Variants in SSBP2 observed in about 807,000 individuals in gnomAD.
SSBP2 encodes single stranded DNA binding protein 2.
In SSBP2, 17 loss-of-function variants were observed where a neutral mutation model predicts 61.8. That is an observed-to-expected ratio of 0.28 (90% CI 0.19 to 0.41). The LOEUF (loss-of-function observed/expected upper bound fraction) is 0.41, where lower values mean the gene tolerates loss of function less well. SSBP2 is among the 10% of genes least tolerant of loss of function. The pLI is 1.00. For synonymous variants in SSBP2, 139 were observed against 141.3 expected (o/e 0.98, Z 0.12); for missense variants, 310 against 458.7 (o/e 0.68, Z 2.96).
chr5:81,719,384 A>G (rs1422014304), intron 1 of SSBP2, among the ~76,000 whole-genome samples: 3 of 152,214 alleles, frequency 2.0e-5, no homozygotes, highest in Non-Finnish European at 4.4e-5. Flanking sequence ...CAAACCTGTT[A>G]CTTCTCAAAA....
At chr5:81,646,891 G>C (rs934198886) in intron 2 of SSBP2, among the ~76,000 whole-genome samples, 2 of 151,862 alleles carry the variant, frequency 1.3e-5, no homozygotes, top group African/African-American at 4.8e-5. Context: ...AGAGTTTTAG[G>C]CAGAGGGAAT....
At chr5:81,629,320 G>C (rs1030878829) in intron 3 of SSBP2, among the ~76,000 whole-genome samples, 4 of 152,186 alleles carry the variant, frequency 2.6e-5, no homozygotes, top group Non-Finnish European at 4.4e-5. Context: ...TGCCAACTGA[G>C]TGTCTAAAGG....
At chr5:81,464,149 T>C (rs1764736080) in intron 9 of SSBP2, among the ~76,000 whole-genome samples, 1 of 152,158 alleles carries the variant, frequency 6.6e-6, no homozygotes, top group Non-Finnish European at 1.5e-5. Flanking sequence ...TTCTGCAGGA[T>C]ATAATACAGA....
chr5:81,457,766 A>G (rs1764263461), intron 10 of SSBP2, among the ~76,000 whole-genome samples: 1 of 151,454 alleles, frequency 6.6e-6, no homozygotes, highest in Non-Finnish European at 1.5e-5. Flanking sequence ...GGTTCAAGTG[A>G]TTCTCCTGCC....
At chr5:81,722,072 T>C (rs1755573803) in intron 1 of SSBP2, among the ~76,000 whole-genome samples, 1 of 152,114 alleles carries the variant, frequency 6.6e-6, no homozygotes, top group Admixed American at 6.6e-5. Context: ...TAACATCTAC[T>C]GCCCAAATGC....
At chr5:81,728,435 A>C (rs1353728493) in intron 1 of SSBP2, among the ~76,000 whole-genome samples, 1 of 152,216 alleles carries the variant, frequency 6.6e-6, no homozygotes, top group Non-Finnish European at 1.5e-5. Context: ...CTTCTATAAC[A>C]GAGTTTGAAA....
chr5:81,751,375 G>A (rs942113076), upstream of SSBP2: 7 of 473,834 alleles, frequency 1.5e-5, no homozygotes, highest in East Asian at 3.8e-5. Context: ...CGGGCGCAAG[G>A]GGGGAATTAG....
Position 81,445,156 on chromosome 5 carries a change from ATATATATATATATATATATATG to A in SSBP2, c.778+1690_778+1711del, listed in dbSNP as rs1421665525. ...AAAAATTTTATATATATATATATATATATATATATATATATATATATGTATGTATTTACTGGAAAATGTCTGA... is the reference window on the plus strand; with the variant it reads ...AAAAATTTTATATATATATATATATATATGTATTTACTGGAAAATGTCTGA... On this transcript the variant is annotated intron_variant, in intron 12 of 16. Transcript: ENST00000320672. Among the ~76,000 whole-genome samples the A allele has an allele frequency of 1.5e-3, 138 of 90,372 alleles. 13 individuals are homozygous for A. Among genetic ancestry groups the A allele is most frequent in the South Asian group, 9.3e-3 (23 of 2,466 alleles). 59.3% of individuals were successfully genotyped at this position (90,372 alleles called of 152,430 possible).
At position 81,418,351 on chromosome 5, in the gene SSBP2, G is replaced by C. The variant is rs1761408917; in HGVS notation, c.*2153C>G. The C allele has an allele frequency of 6.6e-6, 1 of 152,160 alleles. No homozygotes were observed. Among genetic ancestry groups the C allele is most frequent in the Admixed American group, 6.5e-5 (1 of 15,276 alleles). 9.4% of individuals were successfully genotyped at this position (152,160 alleles called of 1,614,324 possible). A position where few individuals can be genotyped will look rare whatever the true frequency, so the allele number is the denominator to read the frequency against. On this transcript the variant is annotated 3_prime_UTR_variant, in exon 17 of 17. Coordinates refer to ENST00000320672, the MANE Select transcript of SSBP2 (RefSeq NM_012446.5). ...TGAATACTGTGTGTGATTAACTGAG[G>C]CTCATTTTATGATAGTTTAAATCTG...
chr5:81,574,089 C>T (rs894225525), intron 4 of SSBP2, among the ~76,000 whole-genome samples: 1 of 151,824 alleles, frequency 6.6e-6, no homozygotes, highest in African/African-American at 2.4e-5. Flanking sequence ...TGCAGTGAGC[C>T]GAGATCGCGC....
chr5:81,500,283 G>A (rs1767604389), intron 5 of SSBP2, among the ~76,000 whole-genome samples: 2 of 151,792 alleles, frequency 1.3e-5, no homozygotes, highest in East Asian at 1.9e-4. Flanking sequence ...GCGCTATCTC[G>A]CCTCACTACA....
intron 5 of SSBP2, among the ~76,000 whole-genome samples, chr5:81,511,908 T>C (rs1370589192): frequency 6.6e-6 from 1 of 152,140 alleles, no homozygotes; most frequent in Admixed American, 6.6e-5. Flanking sequence ...TCAATTACTC[T>C]TACCGAGACT....
At chr5:81,475,831 G>A (rs928095920) in intron 6 of SSBP2, among the ~76,000 whole-genome samples, 2 of 151,874 alleles carry the variant, frequency 1.3e-5, no homozygotes, top group African/African-American at 2.4e-5. Context: ...CCTTCCATTT[G>A]TGTGTGTGTA....
chr5:81,515,448 T>C (rs1768944739), intron 4 of SSBP2, among the ~76,000 whole-genome samples: 1 of 151,988 alleles, frequency 6.6e-6, no homozygotes, highest in African/African-American at 2.4e-5. Context: ...ACACTGAGCA[T>C]ATGTACAAAG....
rs916045301 is a variant in SSBP2, at chr5:81,417,903, C to T, written c.*2601G>A. Reference sequence around the variant, plus strand: ...GACTGCTCTGCCTTGAAAAAAAAAACGAATTTTACTTTTAGGTTAGAAATA... The same window carrying T: ...GACTGCTCTGCCTTGAAAAAAAAAATGAATTTTACTTTTAGGTTAGAAATA... On this transcript the variant is annotated 3_prime_UTR_variant, in exon 17 of 17. Coordinates refer to ENST00000320672, the MANE Select transcript of SSBP2 (RefSeq NM_012446.5). 7.4e-5 allele frequency: 11 copies of T among 147,894 alleles called. No homozygotes were observed. The South Asian group carries it at 1.7e-3, about 23-fold the overall frequency. 9.2% of individuals were successfully genotyped at this position (147,894 alleles called of 1,614,324 possible).
intron 14 of SSBP2, among the ~76,000 whole-genome samples, chr5:81,440,272 G>A (rs531880237): frequency 3.9e-5 from 6 of 152,104 alleles, no homozygotes; most frequent in Non-Finnish European, 7.3e-5. Context: ...AGCATGACAC[G>A]TGCCCACAGC....
At position 81,581,161 on chromosome 5, in the gene SSBP2, T is replaced by C. The variant is rs553585319; in HGVS notation, c.282+34312A>G. ...CAATTCAAGCTTTTATTGCCTGCTCTGCCAGGAACATAGAGAAGAAGAACA... is the reference window on the plus strand; with the variant it reads ...CAATTCAAGCTTTTATTGCCTGCTCCGCCAGGAACATAGAGAAGAAGAACA... On this transcript the variant is annotated intron_variant, in intron 4 of 16. Coordinates refer to ENST00000320672, the MANE Select transcript of SSBP2 (RefSeq NM_012446.5). Among the ~76,000 whole-genome samples the C allele has an allele frequency of 1.4e-4, 21 of 152,304 alleles. No individual in the cohort carries two copies. The East Asian group carries it at 1.9e-3, about 14-fold the overall frequency.
chr5:81,509,571 A>G (rs986496937), intron 5 of SSBP2, among the ~76,000 whole-genome samples: 5 of 152,324 alleles, frequency 3.3e-5, no homozygotes, highest in Admixed American at 1.3e-4. Flanking sequence ...ATATGTACCA[A>G]AAGATAATAA....
Position 81,720,655 on chromosome 5 carries a change from G to T in SSBP2, c.62+30326C>A, listed in dbSNP as rs114263888. ...AGGAAGCTGACTAGATAAATATCAA[G>T]GCACTTCCCCCCTCTCTGCCTCTAA... On this transcript the variant is annotated intron_variant, in intron 1 of 16. Transcript: ENST00000320672. 6.5e-3 allele frequency among the ~76,000 whole-genome samples: 992 copies of T among 152,226 alleles called. 14 individuals are homozygous for T. The highest frequency in any genetic ancestry group is 0.023 in the African/African-American group (948 of 41,530).
Sources: allele counts gnomAD v4.1 joint callset (sites outside exome capture counted in the v4.1 genomes callset), GRCh38; gene constraint gnomAD v4.1.1; transcripts MANE v1.5; gene names NCBI Gene and HGNC (gene_info 2026-07-23, HGNC 2026-07-21).